MALRD1: variants seen among roughly 807,000 people sequenced by gnomAD.
The protein encoded by MALRD1 is MAM and LDL receptor class A domain containing 1, also known as MAM and LDL-receptor class A domain-containing protein 1.
In MALRD1, 247 loss-of-function variants were observed where a neutral mutation model predicts 242.1. The ratio of observed to expected loss-of-function variants is 1.02; its 90% CI spans 0.92 to 1.13. The LOEUF (loss-of-function observed/expected upper bound fraction) is 1.13, where lower values mean the gene tolerates loss of function less well. Ranked by LOEUF, MALRD1 falls within the 50% of genes most tolerant of loss-of-function variation. The probability of loss-of-function intolerance (pLI) is 0.00; values close to 1 mark genes in which losing one functional copy is unlikely to be tolerated. For missense variants in MALRD1, 2,989 were observed against 2,533.1 expected (o/e 1.18, Z -3.86); for synonymous variants, 995 against 866.6 (o/e 1.15, Z -2.60).
At chr10:19,503,700 G>A (rs144844835) in intron 31 of MALRD1, among the ~76,000 whole-genome samples, 272 of 152,252 alleles carry the variant, frequency 1.8e-3, no homozygotes, top group African/African-American at 6.1e-3. Context: ...ATCAACTCCA[G>A]TAAGACAACT....
At chr10:19,518,891 C>T (rs7905333) in intron 31 of MALRD1, among the ~76,000 whole-genome samples, 31,404 of 152,100 alleles carry the variant, frequency 0.21, 5,019 homozygotes, top group African/African-American at 0.45. Flanking sequence ...CAGTGCAACA[C>T]TAGTCATAAA....
intron 19 of MALRD1, among the ~76,000 whole-genome samples, chr10:19,262,887 T>A (rs958479473): frequency 6.6e-6 from 1 of 152,176 alleles, no homozygotes; most frequent in Admixed American, 6.5e-5. Flanking sequence ...CATGCAGTAT[T>A]TGCTTTCTGT....
chr10:19,282,662 G>C (rs1564527137), intron 20 of MALRD1, among the ~76,000 whole-genome samples: 1 of 152,154 alleles, frequency 6.6e-6, no homozygotes, highest in Non-Finnish European at 1.5e-5. Context: ...CCCCTTCAGA[G>C]ACTGAGAAAA....
intron 29 of MALRD1, among the ~76,000 whole-genome samples, chr10:19,484,550 G>A (rs1322123975): frequency 6.6e-6 from 1 of 151,970 alleles, no homozygotes; most frequent in African/African-American, 2.4e-5. Flanking sequence ...TAACAAAATA[G>A]CAACAGTTTT....
At chr10:19,612,974 C>G (rs1838969082) in intron 35 of MALRD1, among the ~76,000 whole-genome samples, 1 of 152,004 alleles carries the variant, frequency 6.6e-6, no homozygotes, top group Non-Finnish European at 1.5e-5. Flanking sequence ...AGGCTACTCT[C>G]TCATGCCACC....
intron 18 of MALRD1, among the ~76,000 whole-genome samples, chr10:19,238,491 A>AATGTATATT (rs1564492689): frequency 0.068 from 544 of 8,028 alleles, 65 homozygotes; most frequent in Non-Finnish European, 0.092. Context: ...CATTATATAT[A>AATGTATATT]ATATATAATA....
chr10:19,200,011 C>G (rs1428543975), intron 14 of MALRD1, among the ~76,000 whole-genome samples: 1 of 151,946 alleles, frequency 6.6e-6, no homozygotes, highest in Admixed American at 6.6e-5. Context: ...CACCTGTGTT[C>G]CCAGCTACTC....
At chr10:19,484,453 T>C (rs377035833) in intron 29 of MALRD1, among the ~76,000 whole-genome samples, 23 of 152,168 alleles carry the variant, frequency 1.5e-4, no homozygotes, top group Admixed American at 4.6e-4. Flanking sequence ...TTAGACAATA[T>C]GCAATTAGCA....
chr10:19,155,106 C>G lies in MALRD1; in HGVS notation c.1590C>G (p.Ser530=). ...TTATTTATTTGGAGGCACAGCGCTC[C>G]CCCGGGGTGGCCAAGCTTGGAAGTC... The part of the protein sequence containing the change: ...GSFIYLEAQR[S]PGVAKLGSPV... The change falls in exon 12 of 40, where the codon TCC becomes TCG. Residue 530 remains serine (S), a synonymous_variant. Coordinates refer to ENST00000454679, the MANE Select transcript of MALRD1 (RefSeq NM_001142308.3). 8.1e-7 allele frequency: 1 copy of G among 1,231,512 alleles called. No homozygotes were observed. The highest frequency in any genetic ancestry group is 1.0e-6 in the Non-Finnish European group (1 of 987,912). 76.3% of individuals were successfully genotyped at this position (1,231,512 alleles called of 1,614,324 possible).
intron 31 of MALRD1, among the ~76,000 whole-genome samples, chr10:19,527,166 T>A (rs1834137635): frequency 6.6e-6 from 1 of 152,194 alleles, no homozygotes; most frequent in Admixed American, 6.5e-5. Context: ...ATCTCAATTT[T>A]GTTTTTTACT....
chr10:19,306,094 TATACTAG>T (rs1842173040), intron 21 of MALRD1, among the ~76,000 whole-genome samples: 1 of 116,506 alleles, frequency 8.6e-6, no homozygotes, highest in South Asian at 2.4e-4. Flanking sequence ...ATATATACTA[TATACTAG>T]ATAGTATATA....
chr10:19,326,419 T>A (rs1424951595), intron 22 of MALRD1, among the ~76,000 whole-genome samples: 2 of 152,258 alleles, frequency 1.3e-5, no homozygotes, highest in East Asian at 3.9e-4. Flanking sequence ...TTTTTGTGCA[T>A]GGATAAATAA....
intron 26 of MALRD1, among the ~76,000 whole-genome samples, chr10:19,356,711 C>G (rs1205486613): frequency 6.6e-6 from 1 of 152,072 alleles, no homozygotes; most frequent in Non-Finnish European, 1.5e-5. Flanking sequence ...AATCAGCACT[C>G]TAGGGCACTT....
intron 29 of MALRD1, chr10:19,489,086 C>T (rs1460307100): frequency 4.3e-6 from 2 of 461,228 alleles, no homozygotes; most frequent in Admixed American, 2.3e-5. Context: ...ACGCGCCTTT[C>T]CGGAGCCAGA....
chr10:19,244,494 C>T (rs576391377), intron 18 of MALRD1, among the ~76,000 whole-genome samples: 169 of 151,896 alleles, frequency 1.1e-3, no homozygotes, highest in African/African-American at 3.7e-3. Context: ...GGCTTGAGTC[C>T]GAGAGGCAGA....
chr10:19,280,321 T>C, intron 20 of MALRD1, 98 bp downstream of exon 20: 2 of 929,950 alleles, frequency 2.2e-6, no homozygotes, highest in South Asian at 3.3e-5. Flanking sequence ...GTTAGATATA[T>C]TCAACATGAG....
At position 19,283,962 on chromosome 10, in the gene MALRD1, G is replaced by A. The variant is rs201466416; in HGVS notation, c.3419+781G>A. 2.6e-4 allele frequency among the ~76,000 whole-genome samples: 39 copies of A among 152,260 alleles called. No individual in the cohort carries two copies. In the East Asian group the frequency reaches 3.9e-3, roughly 15 times the overall value. The stretch of plus-strand genomic sequence containing the variant: ...GGCAGCAAGTCAATAAATAGAAAGC[G>A]CTGCAGATGGTGTTAACTGCTACAC... On this transcript the variant is annotated intron_variant, in intron 21 of 39. Coordinates refer to ENST00000454679, the MANE Select transcript of MALRD1 (RefSeq NM_001142308.3).
intron 33 of MALRD1, among the ~76,000 whole-genome samples, chr10:19,593,354 G>C (rs896424693): frequency 1.3e-5 from 2 of 152,182 alleles, no homozygotes; most frequent in Non-Finnish European, 2.9e-5. Flanking sequence ...CATAGGGTCA[G>C]AGTCTAAATA....
intron 10 of MALRD1, among the ~76,000 whole-genome samples, chr10:19,143,171 G>A (rs1397286699): frequency 6.6e-6 from 1 of 152,164 alleles, no homozygotes; most frequent in African/African-American, 2.4e-5. Flanking sequence ...AAACATCTAG[G>A]TAATGAAAGA....
Sources: allele counts gnomAD v4.1 joint callset (sites outside exome capture counted in the v4.1 genomes callset), GRCh38; gene constraint gnomAD v4.1.1; transcripts MANE v1.5; gene names NCBI Gene and HGNC (gene_info 2026-07-23, HGNC 2026-07-21).